NCAPH2: variants seen among roughly 807,000 people sequenced by gnomAD.
NCAPH2 encodes the protein non-SMC condensin II complex subunit H2.
In NCAPH2, 56 loss-of-function variants were observed where a neutral mutation model predicts 88.6. The observed-to-expected ratio is 0.63, with a 90% CI of 0.51 to 0.79. The LOEUF (loss-of-function observed/expected upper bound fraction) is 0.79, where lower values mean the gene tolerates loss of function less well. Among genes scored for constraint, NCAPH2 ranks in the 30% least tolerant of loss-of-function variants. The pLI is 0.00. For missense variants in NCAPH2, 794 were observed against 792.0 expected, an observed-to-expected ratio of 1.00 and a Z score of -0.03; for synonymous variants, 378 against 313.6, an observed-to-expected ratio of 1.21 and a Z score of -2.17.
At chr22:50,514,291 C>T (rs980945405) in intron 1 of NCAPH2, among the ~76,000 whole-genome samples, 2 of 151,402 alleles carry the variant, frequency 1.3e-5, no homozygotes, top group Non-Finnish European at 2.9e-5. Context: ...CTGAGCAGAG[C>T]GTGGAGAGTG....
At position 50,524,602 on chromosome 22, in the gene NCAPH2, T is replaced by C; in HGVS notation, c.*1227T>C. ...TCCACCTCCACCAAACATCCACACC[T>C]GGGCAACCACACCTGTCACTCCTGT... On this transcript the variant is annotated 3_prime_UTR_variant, in exon 20 of 20. Coordinates refer to ENST00000420993, the MANE Select transcript of NCAPH2 (RefSeq NM_152299.4). 1.4e-6 allele frequency: 1 copy of C among 717,696 alleles called. No homozygotes were observed. Among genetic ancestry groups the C allele is most frequent in the East Asian group, 2.7e-5 (1 of 36,836 alleles). 44.5% of individuals were successfully genotyped at this position (717,696 alleles called of 1,614,324 possible). A position where few individuals can be genotyped will look rare whatever the true frequency, so the allele number is the denominator to read the frequency against.
Position 50,523,956 on chromosome 22 carries a change from T to C in NCAPH2, c.*581T>C, listed in dbSNP as rs536037216. The C allele has an allele frequency of 8.1e-6, 13 of 1,612,434 alleles. No individual in the cohort carries two copies. The highest frequency in any genetic ancestry group is 2.2e-5 in the South Asian group (2 of 91,068). On this transcript the variant is annotated 3_prime_UTR_variant, in exon 20 of 20. Transcript: ENST00000420993. ...GCACTGGAGGCAAACCAGGCTCTGC[T>C]TCCAGCTGCCGCACCACCTGCACCA... is the stretch of plus-strand genomic sequence containing the variant.
chr22:50,522,439 G>A (rs371895561), intron 15 of NCAPH2, 24 bp downstream of exon 15: 122 of 1,612,438 alleles, frequency 7.6e-5, no homozygotes, highest in Non-Finnish European at 1.4e-5. Context: ...AGGGGGTGGG[G>A]TGGGGCTTGG....
chr22:50,519,079 C>A, intron 8 of NCAPH2, 111 bp from the exon 9 acceptor site: 1 of 1,099,060 alleles, frequency 9.1e-7, no homozygotes. Context: ...CCCGCCAAAT[C>A]CTCTGGGCTC....
At chr22:50,522,777 G>GGCCCCTGCTTGGGAGGCAGTA (rs758225336) in intron 17 of NCAPH2, 44 bp from the exon 18 acceptor site, 177 of 1,612,262 alleles carry the variant, frequency 1.1e-4, no homozygotes, top group Non-Finnish European at 1.5e-4. Context: ...GCGGTGCCCA[G>GGCCCCTGCTTGGGAGGCAGTA]GCCCCTGCTT....
At chr22:50,522,768 C>T (rs759929011) in intron 17 of NCAPH2, 48 bp downstream of exon 17, 13 of 1,612,060 alleles carry the variant, frequency 8.1e-6, no homozygotes, top group Middle Eastern at 1.6e-4. Flanking sequence ...GACAGGTGAG[C>T]GGTGCCCAGG....
At chr22:50,511,877 G>C (rs1218341519) in intron 1 of NCAPH2, among the ~76,000 whole-genome samples, 3 of 152,046 alleles carry the variant, frequency 2.0e-5, no homozygotes, top group African/African-American at 4.8e-5. Flanking sequence ...TTGGTCTCCT[G>C]ACCTCGTGAT....
chr22:50,511,899 G>T (rs890553249), intron 1 of NCAPH2, among the ~76,000 whole-genome samples: 2 of 151,928 alleles, frequency 1.3e-5, no homozygotes, highest in Admixed American at 1.3e-4. Flanking sequence ...CACCCGCCTC[G>T]GCCTCCCAAA....
At position 50,519,335 on chromosome 22, in the gene NCAPH2, G is replaced by C. The variant is rs1188215314; in HGVS notation, c.861+15G>C. On this transcript the variant is annotated intron_variant, in intron 9 of 19. Coordinates refer to ENST00000420993, the MANE Select transcript of NCAPH2 (RefSeq NM_152299.4). ...GCCCGCAGCAGGTGGGACCCACATG[G>C]AGGCCTGCAGAACCTGAGCTGTGAA... The C allele has an allele frequency of 6.2e-7, 1 of 1,609,706 alleles. No individual in the cohort carries two copies. The highest frequency in any genetic ancestry group is 1.1e-5 in the South Asian group (1 of 90,186).
intron 1 of NCAPH2, among the ~76,000 whole-genome samples, chr22:50,510,576 C>G (rs1256394759): frequency 6.6e-6 from 1 of 151,394 alleles, no homozygotes; most frequent in Admixed American, 6.6e-5. Context: ...TACAGGCATG[C>G]ACCACCACGT....
chr22:50,522,100 C>T (rs2069120802), intron 13 of NCAPH2, 61 bp downstream of exon 13: 1 of 1,612,788 alleles, frequency 6.2e-7, no homozygotes, highest in African/African-American at 1.3e-5. Context: ...CTTCCCCCAC[C>T]TGGTGTCACC....
chr22:50,520,854 C>A, intron 9 of NCAPH2, 111 bp from the exon 10 acceptor site: 2 of 1,263,454 alleles, frequency 1.6e-6, no homozygotes, highest in South Asian at 2.8e-5. Flanking sequence ...TGAGCCACCA[C>A]GCCCGACCCT....
chr22:50,519,190 GC>G lies in NCAPH2; in HGVS notation c.735del (p.Ser246LeufsTer20). The G allele has an allele frequency of 1.2e-6, 2 of 1,607,210 alleles. No individual in the cohort carries two copies. Among genetic ancestry groups the G allele is most frequent in the Non-Finnish European group, 1.7e-6 (2 of 1,177,732 alleles). ...VPALGFSQEP[G>X]PSPEGPMPLG... ...GATCACTCTCTTGCTCCCTGCCTAG[GC>G]CCCTCTCCAGAAGGCCCGATGCCCC... On this transcript the variant is annotated frameshift_variant and splice_region_variant, in exon 9 of 20. Coordinates refer to ENST00000420993, the MANE Select transcript of NCAPH2 (RefSeq NM_152299.4). LOFTEE classifies it high-confidence loss of function.
Position 50,517,584 on chromosome 22 carries a change from A to G in NCAPH2, c.274A>G (p.Lys92Glu). ...LDFISGKRRA[K>E]QLSSVQEDRA... is the part of the protein sequence containing the mutation. ...GATGTGCTTCTCTCTCAGGCGGGCCAAGCAGCTCTCTTCGGTGCAGGAGGA... is the reference window on the plus strand; with the variant it reads ...GATGTGCTTCTCTCTCAGGCGGGCCGAGCAGCTCTCTTCGGTGCAGGAGGA... Residue 92 changes from lysine (K) to glutamate (E), a missense_variant, in exon 4 of 20, where the codon AAG (lysine) becomes GAG (glutamate). Around this residue, in one of 2 missense-constraint regions of NCAPH2, gnomAD observed 735 missense variants for 696.3 expected, o/e 1.06. Transcript: ENST00000420993. 3 of 1,614,066 alleles carry G rather than the reference A, an allele frequency of 1.9e-6. No homozygotes were observed. The highest frequency in any genetic ancestry group is 1.7e-5 in the Admixed American group (1 of 60,030).
rs767978226 is a variant in NCAPH2 at position 50,508,289 on chromosome 22, C to T, written c.-49C>T. On this transcript the variant is annotated 5_prime_UTR_variant, in exon 1 of 20. Coordinates refer to ENST00000420993, the MANE Select transcript of NCAPH2 (RefSeq NM_152299.4). ...AGTGGCGGGCTGAGGACGCCGTACC[C>T]CTCGGAAGGCAGCCCTGCGGTCCCT... The T allele has an allele frequency of 3.7e-6, 5 of 1,369,656 alleles. No homozygotes were observed. Among genetic ancestry groups the T allele is most frequent in the Middle Eastern group, 2.2e-4 (1 of 4,612 alleles). The allele number at this position is 1,369,656 out of a possible 1,614,324, so 84.8% of individuals were successfully genotyped here. A position where few individuals can be genotyped will look rare whatever the true frequency, so the allele number is the denominator to read the frequency against.
At chr22:50,511,063 G>C (rs2068768716) in intron 1 of NCAPH2, among the ~76,000 whole-genome samples, 1 of 150,972 alleles carries the variant, frequency 6.6e-6, no homozygotes, top group Non-Finnish European at 1.5e-5. Flanking sequence ...AGCCAGGATG[G>C]TCTCGATCTC....
chr22:50,513,081 C>T (rs2068828617), intron 1 of NCAPH2, among the ~76,000 whole-genome samples: 1 of 152,330 alleles, frequency 6.6e-6, no homozygotes, highest in East Asian at 1.9e-4. Context: ...TTGTGTTAAG[C>T]ACCTGTTTTA....
At position 50,518,671 on chromosome 22, in the gene NCAPH2, G is replaced by A; in HGVS notation, c.669G>A (p.Gln223=). The stretch of plus-strand genomic sequence containing the variant: ...CAGACACCGGGAGGACTGAGGAGCA[G>A]CCAATGGAAGTTTCCGTGTGCAGGA... ...TQKDTGRTEE[Q]PMEVSVCRSP... Residue 223 remains glutamine (Q), a synonymous_variant, in exon 8 of 20, where the codon CAG becomes CAA. Coordinates refer to ENST00000420993, the MANE Select transcript of NCAPH2 (RefSeq NM_152299.4). 1 of 1,609,294 alleles carries A rather than the reference G, an allele frequency of 6.2e-7. No homozygotes were observed. Among genetic ancestry groups the A allele is most frequent in the East Asian group, 2.2e-5 (1 of 44,814 alleles).
chr22:50,522,728 T>A lies in NCAPH2; in HGVS notation c.1425+8T>A, dbSNP rs1330438443. 6.2e-7 allele frequency: 1 copy of A among 1,612,792 alleles called. No individual in the cohort carries two copies. Reference sequence around the variant, plus strand: ...CTGGTTCGAAGGAATGTGGTAGGCCTGGGTTAGAGGGAGACGGGGAGGGGA... The same window carrying A: ...CTGGTTCGAAGGAATGTGGTAGGCCAGGGTTAGAGGGAGACGGGGAGGGGA... On this transcript the variant is annotated splice_region_variant and intron_variant, in intron 17 of 19. Transcript: ENST00000420993.
Sources: gnomAD v4.1 joint callset for allele counts (sites outside exome capture counted in the v4.1 genomes callset) on GRCh38, gnomAD v4.1.1 for gene constraint, gnomAD v4.1.1 regional missense constraint, MANE v1.5 for transcripts, NCBI Gene and HGNC (gene_info 2026-07-23, HGNC 2026-07-21) for gene names.